LRRC72: variants seen among roughly 807,000 people sequenced by gnomAD.
LRRC72 encodes the protein leucine-rich repeat-containing protein 72.
Under a neutral mutation model 35.8 loss-of-function variants are expected in LRRC72, and 41 were observed. That is an observed-to-expected ratio of 1.15 (90% CI 0.89 to 1.49). The LOEUF (loss-of-function observed/expected upper bound fraction) is 1.49, where lower values mean the gene tolerates loss of function less well. Among genes scored for constraint, LRRC72 ranks in the 40% most tolerant of loss-of-function variants. The pLI, the probability that LRRC72 is intolerant of heterozygous loss-of-function variation, is 0.00. For synonymous variants in LRRC72, 118 were observed against 119.2 expected, an observed-to-expected ratio of 0.99 and a Z score of 0.07; for missense variants, 389 against 330.7, an observed-to-expected ratio of 1.18 and a Z score of -1.37.
intron 3 of LRRC72, among the ~76,000 whole-genome samples, chr7:16,555,986 G>T (rs1406968952): frequency 1.3e-5 from 2 of 151,888 alleles, no homozygotes; most frequent in Non-Finnish European, 2.9e-5. Flanking sequence ...GAACATAACT[G>T]CTCCTCCTCT....
Position 16,552,428 on chromosome 7 carries a change from T to C in LRRC72, c.235-4932T>C, listed in dbSNP as rs116051705. Among the ~76,000 whole-genome samples, 586 of 152,146 alleles carry C rather than the reference T, an allele frequency of 3.9e-3. 4 individuals carry two copies. The highest frequency in any genetic ancestry group is 0.014 in the African/African-American group (561 of 41,504). ...GAAGTGTGTGCAGAAAAAGAGGACA[T>C]TGGGATGGCCAAGGTTAAGAAGATG... On this transcript the variant is annotated intron_variant, in intron 3 of 8. Transcript: ENST00000401542.
chr7:16,557,832 A>G (rs1231314027), intron 4 of LRRC72, among the ~76,000 whole-genome samples: 1 of 152,194 alleles, frequency 6.6e-6, no homozygotes, highest in Admixed American at 6.5e-5. Context: ...TTAATTTTAT[A>G]TGCAAAACAC....
intron 7 of LRRC72, among the ~76,000 whole-genome samples, chr7:16,572,564 C>G (rs1782966593): frequency 6.6e-6 from 1 of 152,214 alleles, no homozygotes; most frequent in South Asian, 2.1e-4. Flanking sequence ...ACATGATTAT[C>G]TCAATAGATG....
At chr7:16,579,075 A>G (rs1432495219) in intron 7 of LRRC72, among the ~76,000 whole-genome samples, 1 of 152,244 alleles carries the variant, frequency 6.6e-6, no homozygotes, top group East Asian at 1.9e-4. Flanking sequence ...CGTATTGTAT[A>G]CTTGAAGTTT....
At chr7:16,563,721 T>C (rs1782780523) in intron 5 of LRRC72, among the ~76,000 whole-genome samples, 1 of 152,206 alleles carries the variant, frequency 6.6e-6, no homozygotes, top group Non-Finnish European at 1.5e-5. Context: ...AAAATATGAT[T>C]GCTTCTTCTA....
chr7:16,534,058 A>G (rs909935810), intron 2 of LRRC72, among the ~76,000 whole-genome samples: 2 of 152,188 alleles, frequency 1.3e-5, no homozygotes, highest in Non-Finnish European at 2.9e-5. Flanking sequence ...TTTACATTTT[A>G]AGGACACTAA....
At chr7:16,545,988 G>T (rs761387566) in intron 3 of LRRC72, among the ~76,000 whole-genome samples, 2 of 152,078 alleles carry the variant, frequency 1.3e-5, no homozygotes, top group Non-Finnish European at 2.9e-5. Context: ...GACTGTGTAA[G>T]TACCGTATAT....
At chr7:16,541,790 T>C (rs530243880) in intron 3 of LRRC72, among the ~76,000 whole-genome samples, 4 of 152,322 alleles carry the variant, frequency 2.6e-5, no homozygotes, top group African/African-American at 7.2e-5. Context: ...CGGGTACCTG[T>C]AATCCCAGCT....
intron 3 of LRRC72, among the ~76,000 whole-genome samples, chr7:16,539,730 G>A (rs1314803435): frequency 6.6e-6 from 1 of 152,222 alleles, no homozygotes; most frequent in Non-Finnish European, 1.5e-5. Context: ...GCTGCTAAAA[G>A]GGGCCAAGGT....
chr7:16,537,932 A>G (rs1782287760), intron 3 of LRRC72, among the ~76,000 whole-genome samples: 1 of 152,154 alleles, frequency 6.6e-6, no homozygotes, highest in Admixed American at 6.5e-5. Flanking sequence ...TCAAATTGCA[A>G]TTTTACTTTT....
intron 5 of LRRC72, among the ~76,000 whole-genome samples, chr7:16,560,230 A>C (rs570687834): frequency 6.6e-5 from 10 of 152,302 alleles, no homozygotes; most frequent in African/African-American, 2.4e-4. Context: ...TTCATTTCTC[A>C]GAATTGCCTG....
rs144541593 is a variant in LRRC72 at position 16,573,389 on chromosome 7, C to G, written c.670+5846C>G. On this transcript the variant is annotated intron_variant, in intron 7 of 8. Coordinates refer to ENST00000401542, the MANE Select transcript of LRRC72 (RefSeq NM_001195280.2). Reference sequence around the variant, plus strand: ...GAACAAAGCTGGAGGCAACACACTGCCTGATTTCAAACTATACAACATGCC... The same window carrying G: ...GAACAAAGCTGGAGGCAACACACTGGCTGATTTCAAACTATACAACATGCC... Among the ~76,000 whole-genome samples the G allele has an allele frequency of 6.4e-3, 977 of 152,278 alleles. 5 individuals carry two copies. Among genetic ancestry groups the G allele is most frequent in the African/African-American group, 0.022 (919 of 41,560 alleles).
chr7:16,537,320 C>G (rs896587381), intron 2 of LRRC72, among the ~76,000 whole-genome samples: 1 of 152,176 alleles, frequency 6.6e-6, no homozygotes, highest in African/African-American at 2.4e-5. Flanking sequence ...CCTTTGTCCT[C>G]TCCCCAGTAA....
chr7:16,575,331 G>C (rs968197436), intron 7 of LRRC72, among the ~76,000 whole-genome samples: 5 of 152,092 alleles, frequency 3.3e-5, no homozygotes, highest in African/African-American at 1.2e-4. Flanking sequence ...ATATCACTTA[G>C]AAACTTGTTA....
rs766454948 is a variant in LRRC72, at chr7:16,548,841, G to T, written c.235-8519G>T. On this transcript the variant is annotated intron_variant, in intron 3 of 8. Coordinates refer to ENST00000401542, the MANE Select transcript of LRRC72 (RefSeq NM_001195280.2). The stretch of plus-strand genomic sequence containing the variant: ...GGTGAAGCAATACCCCAAAGATCCC[G>T]CAACACGATCTCCAAGCTTCATTTT... Among the ~76,000 whole-genome samples, 4 of 152,166 alleles carry T rather than the reference G, an allele frequency of 2.6e-5. No individual in the cohort carries two copies. In the East Asian group the frequency reaches 7.7e-4, roughly 29 times the overall value.
chr7:16,578,281 T>C (rs1171091683), intron 7 of LRRC72, among the ~76,000 whole-genome samples: 1 of 152,188 alleles, frequency 6.6e-6, no homozygotes, highest in Non-Finnish European at 1.5e-5. Flanking sequence ...GAGACCAGCC[T>C]GGCTAACATG....
At chr7:16,536,653 AAAG>A (rs1315467890) in intron 2 of LRRC72, among the ~76,000 whole-genome samples, 1 of 152,172 alleles carries the variant, frequency 6.6e-6, no homozygotes, top group Non-Finnish European at 1.5e-5. Context: ...TTGGCAAAAA[AAAG>A]GTTTATTTTG....
intron 4 of LRRC72, among the ~76,000 whole-genome samples, chr7:16,558,045 A>C (rs988916943): frequency 3.9e-5 from 6 of 152,246 alleles, no homozygotes; most frequent in South Asian, 2.1e-4. Context: ...TGGCTATCAA[A>C]AGGCACATCC....
intron 2 of LRRC72, among the ~76,000 whole-genome samples, chr7:16,534,156 C>G (rs1782213769): frequency 6.6e-6 from 1 of 152,156 alleles, no homozygotes; most frequent in Admixed American, 6.5e-5. Context: ...CCAAGTTTCT[C>G]TTGACTCTGG....
Sources: gnomAD v4.1 joint callset for allele counts (sites outside exome capture counted in the v4.1 genomes callset) on GRCh38, gnomAD v4.1.1 for gene constraint, MANE v1.5 for transcripts, NCBI Gene and HGNC (gene_info 2026-07-23, HGNC 2026-07-21) for gene names.